Variants in RELN observed in about 807,000 individuals in gnomAD.
RELN encodes reelin.
In RELN, 108 loss-of-function variants were observed where a neutral mutation model predicts 427.6. The observed-to-expected ratio is 0.25, with a 90% CI of 0.22 to 0.30. The LOEUF is 0.30. Among genes scored for constraint, RELN ranks in the 10% least tolerant of loss-of-function variants. The pLI, the probability that RELN is intolerant of heterozygous loss-of-function variation, is 1.00. For missense variants in RELN, 3,715 were observed against 4,302.8 expected, an observed-to-expected ratio of 0.86 and a Z score of 3.82; for synonymous variants, 1,524 against 1,513.4, an observed-to-expected ratio of 1.01 and a Z score of -0.16.
At chr7:103,839,297 T>C (rs1793491937) in intron 2 of RELN, among the ~76,000 whole-genome samples, 1 of 140,602 alleles carries the variant, frequency 7.1e-6, no homozygotes, top group African/African-American at 2.7e-5. Context: ...TATACAGTGG[T>C]CTTTGCTTTT....
intron 2 of RELN, among the ~76,000 whole-genome samples, chr7:103,872,036 C>T (rs10258935): frequency 0.16 from 13,817 of 88,502 alleles, 767 homozygotes; most frequent in Non-Finnish European, 0.22. Flanking sequence ...ATATATTTTT[C>T]TTTTTTCTTT....
At chr7:103,889,420 C>G (rs1794796092) in intron 2 of RELN, among the ~76,000 whole-genome samples, 1 of 152,188 alleles carries the variant, frequency 6.6e-6, no homozygotes, top group African/African-American at 2.4e-5. Flanking sequence ...TAATGTGTAA[C>G]TTACGAGTTA....
intron 8 of RELN, among the ~76,000 whole-genome samples, chr7:103,721,304 G>A (rs1352091488): frequency 6.7e-6 from 1 of 150,070 alleles, no homozygotes; most frequent in African/African-American, 2.5e-5. Flanking sequence ...CAGTCTTCCA[G>A]CAGGATTCAA....
At chr7:103,746,333 A>T (rs1224270894) in intron 6 of RELN, among the ~76,000 whole-genome samples, 5 of 152,202 alleles carry the variant, frequency 3.3e-5, no homozygotes, top group Admixed American at 1.3e-4. Context: ...AACCTAGGCA[A>T]TACCATTCAG....
intron 24 of RELN, among the ~76,000 whole-genome samples, chr7:103,597,000 C>T (rs1169881106): frequency 6.6e-6 from 1 of 152,138 alleles, no homozygotes; most frequent in South Asian, 2.1e-4. Flanking sequence ...CTAGGCAGAA[C>T]CATGCAGATG....
rs549225021 is a variant in RELN at position 103,964,822 on chromosome 7, T to G, written c.226+24309A>C. Among the ~76,000 whole-genome samples the G allele has an allele frequency of 2.4e-4, 36 of 152,320 alleles. 1 individual carries two copies. In the South Asian group the frequency reaches 6.6e-3, roughly 28 times the overall value. On this transcript the variant is annotated intron_variant, in intron 1 of 64. Coordinates refer to ENST00000428762, the MANE Select transcript of RELN (RefSeq NM_005045.4). ...GAAGAGTACTGTTGAGTGAGACCAC[T>G]TTGATATGTCTGTGCCCACACAAAT...
chr7:103,871,038 C>T (rs1220518926), intron 2 of RELN, among the ~76,000 whole-genome samples: 2 of 152,070 alleles, frequency 1.3e-5, no homozygotes, highest in African/African-American at 2.4e-5. Flanking sequence ...TCATGAAGCT[C>T]ACCTTTCCTG....
chr7:103,807,053 C>T (rs1268198637), intron 3 of RELN, among the ~76,000 whole-genome samples: 1 of 152,104 alleles, frequency 6.6e-6, no homozygotes, highest in African/African-American at 2.4e-5. Context: ...CAGGAAGATC[C>T]TAATCTGAAT....
chr7:103,814,419 A>T (rs1383999802), intron 3 of RELN, among the ~76,000 whole-genome samples: 1 of 152,214 alleles, frequency 6.6e-6, no homozygotes, highest in Non-Finnish European at 1.5e-5. Context: ...AGTGCTATAC[A>T]CTTAACAAAT....
chr7:103,840,518 T>A lies in RELN; in HGVS notation c.338-6846A>T, dbSNP rs569811012. Among the ~76,000 whole-genome samples the A allele has an allele frequency of 1.6e-3, 243 of 152,320 alleles. 1 individual carries two copies. Among genetic ancestry groups the A allele is most frequent in the African/African-American group, 5.7e-3 (236 of 41,570 alleles). On this transcript the variant is annotated intron_variant, in intron 2 of 64. Transcript: ENST00000428762. ...TCCTTTCTTTTGGGGCTCCTCATTG[T>A]AATCTATGAGTACTATTTAAATGAA...
At chr7:103,613,951 C>T (rs1175423697) in intron 20 of RELN, among the ~76,000 whole-genome samples, 2 of 152,124 alleles carry the variant, frequency 1.3e-5, no homozygotes, top group African/African-American at 4.8e-5. Flanking sequence ...GAAGGAAATG[C>T]TGTGTTTTAT....
In RELN at chr7:103,523,169, A is replaced by C. The variant is rs77294897; in HGVS notation, c.7490+222T>G. Among the ~76,000 whole-genome samples, 5,194 of 152,308 alleles carry C rather than the reference A, an allele frequency of 0.034. 310 individuals carry two copies. The highest frequency in any genetic ancestry group is 0.12 in the African/African-American group (4,950 of 41,536). ...AATAAAATATAGTTAATTATAATTC[A>C]TCTGTCTCCTGACAAGATAGCTATT... is the stretch of plus-strand genomic sequence containing the variant. On this transcript the variant is annotated intron_variant, in intron 47 of 64. Transcript: ENST00000428762.
chr7:103,611,072 C>T (rs1324941020), intron 21 of RELN, among the ~76,000 whole-genome samples: 7 of 152,074 alleles, frequency 4.6e-5, no homozygotes, highest in African/African-American at 1.2e-4. Context: ...CAAACAGAGA[C>T]GGATTAGGAT....
Position 103,949,754 on chromosome 7 carries a change from A to G in RELN, c.227-32569T>C, listed in dbSNP as rs1376383805. Among the ~76,000 whole-genome samples the G allele has an allele frequency of 2.0e-5, 3 of 152,182 alleles. No individual in the cohort carries two copies. The East Asian group carries it at 5.8e-4, about 29-fold the overall frequency. On this transcript the variant is annotated intron_variant, in intron 1 of 64. Coordinates refer to ENST00000428762, the MANE Select transcript of RELN (RefSeq NM_005045.4). The stretch of plus-strand genomic sequence containing the variant: ...TCCTTTCATAATTGGTAGAAAATTA[A>G]CCGGTATGGTTTCTCAAGAATGTAA...
intron 30 of RELN, 72 bp downstream of exon 30, chr7:103,574,020 T>C: frequency 3.6e-6 from 4 of 1,122,852 alleles, no homozygotes; most frequent in Non-Finnish European, 4.1e-6. Flanking sequence ...CAGAACAGAA[T>C]GTTTTAAGTT....
At position 103,915,386 on chromosome 7, in the gene RELN, T is replaced by C. The variant is rs141584655; in HGVS notation, c.337+1689A>G. ...CAAGGTTTGCTATGACATATTTACA[T>C]GACCATTTAATCAACATCTGTCTTT... On this transcript the variant is annotated intron_variant, in intron 2 of 64. Transcript: ENST00000428762. Among the ~76,000 whole-genome samples the C allele has an allele frequency of 4.3e-3, 655 of 152,314 alleles. 3 individuals are homozygous for C. Among genetic ancestry groups the C allele is most frequent in the Middle Eastern group, 0.014 (4 of 294 alleles).
chr7:103,986,402 A>AT (rs1471219741), intron 1 of RELN, among the ~76,000 whole-genome samples: 1 of 152,094 alleles, frequency 6.6e-6, no homozygotes, highest in Non-Finnish European at 1.5e-5. Flanking sequence ...AGTACTATAT[A>AT]TTTTTTATTT....
chr7:103,747,205 T>G (rs1186519511), intron 6 of RELN, among the ~76,000 whole-genome samples: 2 of 144,112 alleles, frequency 1.4e-5, no homozygotes, highest in African/African-American at 5.3e-5. Context: ...CAGGTAGTAA[T>G]TAAACAATGA....
intron 20 of RELN, among the ~76,000 whole-genome samples, chr7:103,612,399 C>T (rs1046076290): frequency 2.0e-5 from 3 of 151,882 alleles, no homozygotes; most frequent in African/African-American, 7.3e-5. Context: ...CCTCAGCCTC[C>T]CTAGTAGCTG....
Sources: allele counts gnomAD v4.1 joint callset (sites outside exome capture counted in the v4.1 genomes callset), GRCh38; gene constraint gnomAD v4.1.1; transcripts MANE v1.5; gene names NCBI Gene and HGNC (gene_info 2026-07-23, HGNC 2026-07-21).